PPM1B: variants seen among roughly 807,000 people sequenced by gnomAD.
The protein encoded by PPM1B is protein phosphatase, Mg2+/Mn2+ dependent 1B.
In PPM1B, 22 loss-of-function variants were observed where a neutral mutation model predicts 43.0. The ratio of observed to expected loss-of-function variants is 0.51; its 90% CI spans 0.37 to 0.73. The LOEUF (loss-of-function observed/expected upper bound fraction) is 0.73. Among genes scored for constraint, PPM1B ranks in the 30% least tolerant of loss-of-function variants. The pLI is 0.00. For synonymous variants in PPM1B, 217 were observed against 197.9 expected, an observed-to-expected ratio of 1.10 and a Z score of -0.81; for missense variants, 632 against 584.2, an observed-to-expected ratio of 1.08 and a Z score of -0.84.
chr2:44,231,205 A>G lies in PPM1B; in HGVS notation c.*487A>G, dbSNP rs183274051. On this transcript the variant is annotated 3_prime_UTR_variant, in exon 6 of 6. Transcript: ENST00000282412. ...TGTAATTTTTCTTTCAAGGATGATA[A>G]TTTGTGTGTTGTTTGATTTGTTTAT... is the stretch of plus-strand genomic sequence containing the variant. 1.1e-5 allele frequency: 11 copies of G among 984,310 alleles called. No homozygotes were observed. In the Admixed American group the frequency reaches 1.8e-4, roughly 16 times the overall value. The allele number at this position is 984,310 out of a possible 1,614,324, so 61.0% of individuals were successfully genotyped here. A position where few individuals can be genotyped will look rare whatever the true frequency, so the allele number is the denominator to read the frequency against.
chr2:44,197,422 A>C (rs1668716276), intron 1 of PPM1B, among the ~76,000 whole-genome samples: 1 of 152,194 alleles, frequency 6.6e-6, no homozygotes, highest in Non-Finnish European at 1.5e-5. Context: ...CTTGGCCACT[A>C]ATGTTAACTT....
chr2:44,184,713 C>T (rs1427493137), intron 1 of PPM1B, among the ~76,000 whole-genome samples: 1 of 152,114 alleles, frequency 6.6e-6, no homozygotes. Flanking sequence ...CAGACTAAAT[C>T]AGGGATTCTT....
chr2:44,177,607 CAG>C (rs769770004), intron 1 of PPM1B, among the ~76,000 whole-genome samples: 7 of 151,452 alleles, frequency 4.6e-5, no homozygotes, highest in Non-Finnish European at 1.0e-4. Context: ...TTAGTAGAGA[CAG>C]GGGTCTCACC....
At chr2:44,193,155 A>T (rs149049893) in intron 1 of PPM1B, among the ~76,000 whole-genome samples, 497 of 152,270 alleles carry the variant, frequency 3.3e-3, no homozygotes, top group African/African-American at 0.012. Context: ...AGTTGTCCAG[A>T]ATTACTGTAA....
intron 5 of PPM1B, among the ~76,000 whole-genome samples, chr2:44,226,661 T>C (rs1437098053): frequency 6.6e-6 from 1 of 151,786 alleles, no homozygotes; most frequent in Non-Finnish European, 1.5e-5. Context: ...ATAATCACTT[T>C]ATGTGTAAAT....
chr2:44,179,004 C>G (rs907411967), intron 1 of PPM1B, among the ~76,000 whole-genome samples: 13 of 152,160 alleles, frequency 8.5e-5, no homozygotes, highest in African/African-American at 3.1e-4. Context: ...CCACCCAAGT[C>G]TCATCTTGAA....
intron 5 of PPM1B, among the ~76,000 whole-genome samples, chr2:44,240,470 T>A (rs1281404919): frequency 6.9e-6 from 1 of 145,944 alleles, no homozygotes; most frequent in East Asian, 2.0e-4. Context: ...TCCCTTTTTC[T>A]TTTTTTCAGC....
At chr2:44,235,568 A>T (rs953361262), downstream of PPM1B, among the ~76,000 whole-genome samples, 1 of 141,394 alleles carries the variant, frequency 7.1e-6, no homozygotes, top group Non-Finnish European at 1.5e-5. Flanking sequence ...GTGCCATTGC[A>T]CTCCAGCCTG....
chr2:44,220,722 A>G (rs191016889), intron 5 of PPM1B, among the ~76,000 whole-genome samples: 1 of 152,368 alleles, frequency 6.6e-6, no homozygotes, highest in East Asian at 1.9e-4. Context: ...AATAAATGAC[A>G]AAATCCAGAA....
intron 1 of PPM1B, among the ~76,000 whole-genome samples, chr2:44,192,190 G>GTATT (rs1553329837): frequency 1.4e-5 from 2 of 143,542 alleles, no homozygotes; most frequent in Admixed American, 7.1e-5. Context: ...GTTATGTTAT[G>GTATT]GTATTGTATT....
intron 3 of PPM1B, among the ~76,000 whole-genome samples, chr2:44,213,124 T>A (rs1352868746): frequency 1.3e-5 from 2 of 151,222 alleles, no homozygotes; most frequent in African/African-American, 4.8e-5. Flanking sequence ...TTTTTTTTCT[T>A]TTCCACTTTC....
Position 44,241,009 on chromosome 2 carries a change from T to TA in PPM1B, n.1547-3219_1547-3218insA, listed in dbSNP as rs781737020. Among the ~76,000 whole-genome samples, 289 of 83,862 alleles carry TA rather than the reference T, an allele frequency of 3.4e-3. 33 individuals carry two copies. Among genetic ancestry groups the TA allele is most frequent in the Non-Finnish European group, 2.6e-3 (117 of 45,870 alleles). The allele number at this position is 83,862 out of a possible 152,430, so 55.0% of individuals were successfully genotyped here. A position where few individuals can be genotyped will look rare whatever the true frequency, so the allele number is the denominator to read the frequency against. On this transcript the variant is annotated intron_variant and non_coding_transcript_variant, in intron 5 of 5. Transcript: ENST00000378540. The stretch of plus-strand genomic sequence containing the variant: ...ATTGGGAAGCATCTTTATTTTTATT[T>TA]TTTTTTTTTTTGAGACGGAGTTTCA...
At chr2:44,210,638 A>G (rs931932477) in intron 3 of PPM1B, among the ~76,000 whole-genome samples, 2 of 151,980 alleles carry the variant, frequency 1.3e-5, no homozygotes, top group Admixed American at 6.6e-5. Flanking sequence ...GCTTATCTCT[A>G]TATATACTTT....
At chr2:44,185,571 G>T (rs1668080319) in intron 1 of PPM1B, among the ~76,000 whole-genome samples, 1 of 152,126 alleles carries the variant, frequency 6.6e-6, no homozygotes, top group Non-Finnish European at 1.5e-5. Context: ...GAAATTTCTA[G>T]CTGAGCTTTT....
chr2:44,234,556 G>A, downstream of PPM1B: 1 of 985,156 alleles, frequency 1.0e-6, no homozygotes, highest in Non-Finnish European at 1.2e-6. Flanking sequence ...TTTTCCGGCA[G>A]GGGGCAGGGT....
downstream of PPM1B, chr2:44,233,823 T>G: frequency 1.0e-6 from 1 of 985,724 alleles, no homozygotes; most frequent in Non-Finnish European, 1.2e-6. Context: ...TTCTTTAGAT[T>G]TTAGCCTTGT....
intron 5 of PPM1B, among the ~76,000 whole-genome samples, chr2:44,227,922 CTTTTT>C (rs59259343): frequency 1.7e-4 from 18 of 106,802 alleles, no homozygotes; most frequent in Non-Finnish European, 2.7e-4. Context: ...TTTTTCTTTT[CTTTTT>C]TTTTTTTTTT....
intron 1 of PPM1B, among the ~76,000 whole-genome samples, chr2:44,174,493 A>T (rs1167134982): frequency 6.6e-6 from 1 of 152,252 alleles, no homozygotes; most frequent in Non-Finnish European, 1.5e-5. Context: ...TGTGAATGAA[A>T]AGTACATTTG....
chr2:44,202,116 A>G, intron 2 of PPM1B, 71 bp downstream of exon 2: 1 of 1,377,120 alleles, frequency 7.3e-7, no homozygotes, highest in Non-Finnish European at 9.5e-7. Flanking sequence ...AGTTAAGCTA[A>G]CTTAAAATTT....
Sources: allele counts gnomAD v4.1 joint callset (sites outside exome capture counted in the v4.1 genomes callset), GRCh38; gene constraint gnomAD v4.1.1; transcripts MANE v1.5; gene names NCBI Gene and HGNC (gene_info 2026-07-23, HGNC 2026-07-21).